Variants in HOXA11 observed in about 807,000 individuals in gnomAD.
The protein encoded by HOXA11 is homeobox A11, also known as homeobox protein Hox-A11.
A neutral mutation model predicts 22.5 loss-of-function variants in HOXA11; 8 were observed. That is an observed-to-expected ratio of 0.36 (90% CI 0.21 to 0.64). The LOEUF (loss-of-function observed/expected upper bound fraction) is 0.64, where lower values mean the gene tolerates loss of function less well. HOXA11 is among the 30% of genes least tolerant of loss of function. The pLI is 0.67. For missense variants in HOXA11, 388 were observed against 429.0 expected, an observed-to-expected ratio of 0.90 and a Z score of 0.84; for synonymous variants, 211 against 188.4, an observed-to-expected ratio of 1.12 and a Z score of -0.98.
In HOXA11 at chr7:27,185,231, A is replaced by G; in HGVS notation, c.-87T>C. 6.4e-7 allele frequency: 1 copy of G among 1,568,828 alleles called. No homozygotes were observed. Among genetic ancestry groups the G allele is most frequent in the South Asian group, 1.1e-5 (1 of 89,436 alleles). On this transcript the variant is annotated 5_prime_UTR_variant, in exon 1 of 2. Coordinates refer to ENST00000006015, the MANE Select transcript of HOXA11 (RefSeq NM_005523.6). The stretch of plus-strand genomic sequence containing the variant: ...CCTCTTTGAAGCGGATCCGTGAAGT[A>G]GAAATTTGGAGACGTAAGCTGACGT...
In HOXA11 at chr7:27,184,880, C is replaced by G. The variant is rs775915366; in HGVS notation, c.265G>C (p.Val89Leu). ...LAHCYSAEEL[V>L]HRDCLQAPSA... is the part of the protein sequence containing the mutation. Reference sequence around the variant, plus strand: ...GGCGCCTGCAGGCAGTCTCTGTGCACGAGCTCCTCCGCGGAGTAGCAGTGG... The same window carrying G: ...GGCGCCTGCAGGCAGTCTCTGTGCAGGAGCTCCTCCGCGGAGTAGCAGTGG... The change falls in exon 1 of 2, where the codon GTG becomes CTG. Residue 89 changes from valine (V) to leucine (L), a missense_variant. By Grantham distance (32) the Val-to-Leu change is conservative. This residue lies in a region of HOXA11 where 295 missense variants were observed against 281.1 expected (regional missense o/e 1.05). Coordinates refer to ENST00000006015, the MANE Select transcript of HOXA11 (RefSeq NM_005523.6). 10 of 1,613,908 alleles carry G rather than the reference C, an allele frequency of 6.2e-6. No individual in the cohort carries two copies. Among genetic ancestry groups the G allele is most frequent in the Middle Eastern group, 1.6e-4 (1 of 6,082 alleles).
chr7:27,181,172 CTT>C lies in HOXA11; in HGVS notation c.*1622_*1623del, dbSNP rs199820715. Among the ~76,000 whole-genome samples the C allele has an allele frequency of 0.074, 11,243 of 152,148 alleles. 453 individuals are homozygous for C. The highest frequency in any genetic ancestry group is 0.11 in the Middle Eastern group (32 of 294). On this transcript the variant is annotated 3_prime_UTR_variant, in exon 2 of 2. Coordinates refer to ENST00000006015, the MANE Select transcript of HOXA11 (RefSeq NM_005523.6). ...ACCAGGATACTCAAATTTCCACCGT[CTT>C]TATTTTCCTTGTGCCCAGTTGCCTG...
At position 27,182,366 on chromosome 7, in the gene HOXA11, G is replaced by C. The variant is rs1783784049; in HGVS notation, c.*430C>G. On this transcript the variant is annotated 3_prime_UTR_variant, in exon 2 of 2. Coordinates refer to ENST00000006015, the MANE Select transcript of HOXA11 (RefSeq NM_005523.6). ...AATCCTACCCCTTCCTCCTGCCCCT[G>C]TCCCCAAGCTGAACTGGGCTTGGAG... The C allele has an allele frequency of 6.0e-6, 2 of 333,108 alleles. No individual in the cohort carries two copies. Among genetic ancestry groups the C allele is most frequent in the Non-Finnish European group, 1.1e-5 (2 of 177,902 alleles). The allele number at this position is 333,108 out of a possible 1,614,324, so 20.6% of individuals were successfully genotyped here. A position where few individuals can be genotyped will look rare whatever the true frequency, so the allele number is the denominator to read the frequency against.
In HOXA11 at chr7:27,184,991, G is replaced by T; in HGVS notation, c.154C>A (p.Pro52Thr). Residue 52 changes from proline to threonine, a missense_variant, in exon 1 of 2, where the codon CCC becomes ACC. By Grantham distance (38) the Pro-to-Thr change is conservative. Coordinates refer to ENST00000006015, the MANE Select transcript of HOXA11 (RefSeq NM_005523.6). ...ACTTCGCGCACGGGTTGGACCTGGG[G>T]CAGGTTGGAGGAGTAGGAGTATGTC... Reference protein sequence around the residue: ...PMTYSYSSNLPQVQPVREVTF... With the variant: ...PMTYSYSSNLTQVQPVREVTF... 4 of 1,614,118 alleles carry T rather than the reference G, an allele frequency of 2.5e-6. No homozygotes were observed. The highest frequency in any genetic ancestry group is 3.4e-6 in the Non-Finnish European group (4 of 1,179,964).
Position 27,184,737 on chromosome 7 carries a change from C to T in HOXA11, c.408G>A (p.Leu136=), listed in dbSNP as rs995097601. The change falls in exon 1 of 2, where the codon CTG becomes CTA. Residue 136 remains leucine (L), a synonymous_variant. Transcript: ENST00000006015. ...FYSTVGRNGV[L]PQAFDQFFET... ...CGAAAAACTGGTCGAAAGCCTGTGGCAGGACGCCGTTCCTGCCCACGGTGC... is the reference window on the plus strand; with the variant it reads ...CGAAAAACTGGTCGAAAGCCTGTGGTAGGACGCCGTTCCTGCCCACGGTGC... 7 of 1,613,820 alleles carry T rather than the reference C, an allele frequency of 4.3e-6. No homozygotes were observed. The Admixed American group carries it at 1.0e-4, about 23-fold the overall frequency.
Position 27,182,661 on chromosome 7 carries a change from G to A in HOXA11, c.*135C>T. On this transcript the variant is annotated 3_prime_UTR_variant, in exon 2 of 2. Transcript: ENST00000006015. ...AAGAGAGTCCCAGACCACCTCCTGT[G>A]GGGCTATCTCCATGCATCCCTCTCT... 1 of 726,790 alleles carries A rather than the reference G, an allele frequency of 1.4e-6. No individual in the cohort carries two copies. The highest frequency in any genetic ancestry group is 2.6e-5 in the East Asian group (1 of 38,436). The allele number at this position is 726,790 out of a possible 1,614,324, so 45.0% of individuals were successfully genotyped here.
intron 1 of HOXA11, 95 bp downstream of exon 1, chr7:27,184,341 T>A: frequency 7.9e-7 from 1 of 1,261,350 alleles, no homozygotes; most frequent in Non-Finnish European, 1.1e-6. Context: ...AAACCTTATA[T>A]GCTTATAAAA....
chr7:27,184,447 G>T lies in HOXA11; in HGVS notation c.698C>A (p.Ala233Asp). The change falls in exon 1 of 2, where the codon GCC (alanine) becomes GAC (aspartate). Residue 233 changes from alanine to aspartate, a missense_variant. By Grantham distance (126) the Ala-to-Asp change is moderately radical. Coordinates refer to ENST00000006015, the MANE Select transcript of HOXA11 (RefSeq NM_005523.6). ...ESSSGHTEDK[A>D]GGSSGQRTRK... ...GCCTTTATACGTACTGGAGCCGCCG[G>T]CCTTGTCCTCAGTGTGGCCGGAAGA... The T allele has an allele frequency of 6.4e-7, 1 of 1,572,356 alleles. No individual in the cohort carries two copies.
Position 27,184,818 on chromosome 7 carries a change from C to A in HOXA11, c.327G>T (p.Lys109Asn). 1 of 1,613,784 alleles carries A rather than the reference C, an allele frequency of 6.2e-7. No individual in the cohort carries two copies. Among genetic ancestry groups the A allele is most frequent in the Non-Finnish European group, 8.5e-7 (1 of 1,179,812 alleles). Residue 109 changes from lysine to asparagine, a missense_variant, in exon 1 of 2, where the codon AAG becomes AAT. Lys to Asn is a moderately conservative substitution (Grantham distance 94). This residue lies in a region of HOXA11 where 295 missense variants were observed against 281.1 expected (regional missense o/e 1.05). Transcript: ENST00000006015. The part of the protein sequence containing the change: ...AAGVPGDVLA[K>N]SSANVYHHPT... ...GGTGGTGGTAGACGTTGGCCGAGCT[C>A]TTGGCCAGCACGTCGCCAGGCACGC...
chr7:27,184,848 C>A lies in HOXA11; in HGVS notation c.297G>T (p.Ala99=). 1.9e-6 allele frequency: 3 copies of A among 1,612,610 alleles called. No homozygotes were observed. Among genetic ancestry groups the A allele is most frequent in the South Asian group, 1.1e-5 (1 of 91,048 alleles). Residue 99 remains alanine, a synonymous_variant, in exon 1 of 2, where the codon GCG becomes GCT. Coordinates refer to ENST00000006015, the MANE Select transcript of HOXA11 (RefSeq NM_005523.6). ...CCAGCACGTCGCCAGGCACGCCGGC[C>A]GCGCTGGGCGCCTGCAGGCAGTCTC... is the stretch of plus-strand genomic sequence containing the variant. ...VHRDCLQAPS[A]AGVPGDVLAK...
chr7:27,183,265 C>T (rs544772704), intron 1 of HOXA11, among the ~76,000 whole-genome samples: 6 of 152,364 alleles, frequency 3.9e-5, no homozygotes, highest in Admixed American at 2.0e-4. Context: ...AAGCTGCTCC[C>T]GCTGCCCCCA....
chr7:27,183,468 T>C (rs1783801206), intron 1 of HOXA11, among the ~76,000 whole-genome samples: 1 of 152,202 alleles, frequency 6.6e-6, no homozygotes, highest in South Asian at 2.1e-4. Flanking sequence ...GTCCCAGTCT[T>C]TCCCGGCTGC....
Position 27,184,374 on chromosome 7 carries a change from G to C in HOXA11, c.709+62C>G. On this transcript the variant is annotated intron_variant, in intron 1 of 1. Transcript: ENST00000006015. ...AAACAGCATATAAAAATTTAACAGC[G>C]GTGCTGCGCTAGATTTCCAACTCCC... The C allele has an allele frequency of 2.0e-6, 3 of 1,490,932 alleles. No homozygotes were observed. The South Asian group carries it at 3.6e-5, about 18-fold the overall frequency. 92.4% of individuals were successfully genotyped at this position (1,490,932 alleles called of 1,614,324 possible).
chr7:27,184,693 G>C lies in HOXA11; in HGVS notation c.452C>G (p.Pro151Arg). 1.2e-6 allele frequency: 2 copies of C among 1,613,484 alleles called. No homozygotes were observed. Among genetic ancestry groups the C allele is most frequent in the Non-Finnish European group, 1.7e-6 (2 of 1,179,922 alleles). Residue 151 changes from proline (P) to arginine (R), a missense_variant, in exon 1 of 2, where the codon CCG becomes CGG. Physicochemically the swap from Pro to Arg is moderately radical, Grantham distance 103. Coordinates refer to ENST00000006015, the MANE Select transcript of HOXA11 (RefSeq NM_005523.6). ...DQFFETAYGT[P>R]ENLASSDYPG... ...GTAGTCGGAGGAGGCGAGGTTTTCC[G>C]GGGTGCCGTAGGCTGTCTCGAAAAA...
rs201081293 is a variant in HOXA11, at chr7:27,182,787, G to A, written c.*9C>T. 192 of 1,540,564 alleles carry A rather than the reference G, an allele frequency of 1.2e-4. No homozygotes were observed. The East Asian group carries it at 3.4e-3, about 27-fold the overall frequency. ...TGAAGCCCCCCACCCAATTCCAGCCGCTGGAGTCTTAGAGGAGTGGATTTG... is the reference window on the plus strand; with the variant it reads ...TGAAGCCCCCCACCCAATTCCAGCCACTGGAGTCTTAGAGGAGTGGATTTG... On this transcript the variant is annotated 3_prime_UTR_variant, in exon 2 of 2. Coordinates refer to ENST00000006015, the MANE Select transcript of HOXA11 (RefSeq NM_005523.6).
Position 27,181,584 on chromosome 7 carries a change from C to T in HOXA11, c.*1212G>A, listed in dbSNP as rs1421233848. ...TGTATGAAGCATACATTCAAATATT[C>T]TTAGCAGTGAGCGAGTTTAACCACG... On this transcript the variant is annotated 3_prime_UTR_variant, in exon 2 of 2. Transcript: ENST00000006015. 5.3e-6 allele frequency: 1 copy of T among 190,456 alleles called. No homozygotes were observed. The highest frequency in any genetic ancestry group is 2.3e-5 in the African/African-American group (1 of 42,910). 11.8% of individuals were successfully genotyped at this position (190,456 alleles called of 1,614,324 possible).
In HOXA11 at chr7:27,184,821, G is replaced by A. The variant is rs765788044; in HGVS notation, c.324C>T (p.Ala108=). The change falls in exon 1 of 2, where the codon GCC becomes GCT. Residue 108 remains alanine (A), a synonymous_variant. Transcript: ENST00000006015. ...GGTGGTAGACGTTGGCCGAGCTCTT[G>A]GCCAGCACGTCGCCAGGCACGCCGG... The part of the protein sequence containing the change: ...SAAGVPGDVL[A]KSSANVYHHP... The A allele has an allele frequency of 1.9e-6, 3 of 1,613,664 alleles. No homozygotes were observed.
In HOXA11 at chr7:27,181,653, CT is replaced by C; in HGVS notation, c.*1142del. On this transcript the variant is annotated 3_prime_UTR_variant, in exon 2 of 2. Coordinates refer to ENST00000006015, the MANE Select transcript of HOXA11 (RefSeq NM_005523.6). ...GGGCCTTTAAATATTTTCATCATCT[CT>C]TTTCCCCTCTACATTGCATCTTTTA... The C allele has an allele frequency of 5.5e-6, 1 of 180,844 alleles. No individual in the cohort carries two copies. 11.2% of individuals were successfully genotyped at this position (180,844 alleles called of 1,614,324 possible). A position where few individuals can be genotyped will look rare whatever the true frequency, so the allele number is the denominator to read the frequency against.
At chr7:27,183,581 C>T (rs968504761) in intron 1 of HOXA11, among the ~76,000 whole-genome samples, 4 of 152,142 alleles carry the variant, frequency 2.6e-5, no homozygotes, top group Non-Finnish European at 4.4e-5. Context: ...CTTCCGGCTC[C>T]GCCGAGGTGG....
Sources: allele counts gnomAD v4.1 joint callset (sites outside exome capture counted in the v4.1 genomes callset), GRCh38; gene constraint gnomAD v4.1.1; regional missense constraint gnomAD v4.1.1; transcripts MANE v1.5; gene names NCBI Gene and HGNC (gene_info 2026-07-23, HGNC 2026-07-21).